Variants in LMTK2 observed in about 807,000 individuals in gnomAD.
LMTK2 encodes the protein lemur tail kinase 2.
A neutral mutation model predicts 127.5 loss-of-function variants in LMTK2; 37 were observed. The observed-to-expected ratio is 0.29, with a 90% CI of 0.22 to 0.38. The LOEUF (loss-of-function observed/expected upper bound fraction) is 0.38. Among genes scored for constraint, LMTK2 ranks in the 10% least tolerant of loss-of-function variants. LMTK2 has a pLI of 1.00. For synonymous variants in LMTK2, 819 were observed against 810.1 expected (o/e 1.01, Z -0.19); for missense variants, 1,694 against 1,920.3 (o/e 0.88, Z 2.20).
At position 98,204,195 on chromosome 7, in the gene LMTK2, C is replaced by T. The variant is rs763526944; in HGVS notation, c.4483+9C>T. ...GGACATCGAGCAGGGCGGTGAGAGG[C>T]GCTGCGTGCTGGGGATTGGGAGTGC... On this transcript the variant is annotated intron_variant, in intron 13 of 13. Transcript: ENST00000297293. The T allele has an allele frequency of 1.4e-5, 22 of 1,602,714 alleles. No individual in the cohort carries two copies. Among genetic ancestry groups the T allele is most frequent in the East Asian group, 4.5e-5 (2 of 44,868 alleles).
Position 98,146,484 on chromosome 7 carries a change from A to AT in LMTK2, c.377-4888dup, listed in dbSNP as rs992846635. Among the ~76,000 whole-genome samples the AT allele has an allele frequency of 7.9e-3, 1,191 of 149,886 alleles. 18 individuals carry two copies. The highest frequency in any genetic ancestry group is 0.027 in the African/African-American group (1,093 of 41,010). On this transcript the variant is annotated intron_variant, in intron 3 of 13. Transcript: ENST00000297293. ...AATCTGTAATGGTTGTAATCAAGGA[A>AT]TTTTTTTTTTGATGTACCATTTTGA...
chr7:98,204,128 C>T lies in LMTK2; in HGVS notation c.4425C>T (p.Pro1475=), dbSNP rs137912661. ...SAPYSRFSIS[P]ANIASFSLTH... ...CTTACTCCCGGTTCTCCATCTCTCC[C>T]GCCAACATTGCCAGCTTTTCCCTCA... Residue 1475 remains proline (P), a synonymous_variant, in exon 13 of 14, where the codon CCC becomes CCT. Coordinates refer to ENST00000297293, the MANE Select transcript of LMTK2 (RefSeq NM_014916.4). 2.8e-4 allele frequency: 446 copies of T among 1,611,882 alleles called. 1 individual carries two copies. Among genetic ancestry groups the T allele is most frequent in the Non-Finnish European group, 3.4e-4 (407 of 1,180,030 alleles).
chr7:98,114,853 AT>A (rs936516245), intron 1 of LMTK2, among the ~76,000 whole-genome samples: 1 of 151,496 alleles, frequency 6.6e-6, no homozygotes, highest in Non-Finnish European at 1.5e-5. Flanking sequence ...CCATCTTTTT[AT>A]TTTTTTTAAA....
intron 7 of LMTK2, among the ~76,000 whole-genome samples, chr7:98,176,708 G>T (rs528883494): frequency 6.6e-6 from 1 of 152,222 alleles, no homozygotes; most frequent in African/African-American, 2.4e-5. Context: ...TTAGCCAGGC[G>T]TGGTGGCACA....
chr7:98,117,978 C>G (rs1388322853), intron 1 of LMTK2, among the ~76,000 whole-genome samples: 2 of 152,000 alleles, frequency 1.3e-5, no homozygotes, highest in Non-Finnish European at 2.9e-5. Context: ...AAAAACCAAA[C>G]AAACAAAAAA....
intron 1 of LMTK2, among the ~76,000 whole-genome samples, chr7:98,134,485 A>G (rs1259501618): frequency 6.6e-6 from 1 of 152,168 alleles, no homozygotes; most frequent in Admixed American, 6.5e-5. Flanking sequence ...TTTAATTTTT[A>G]TTATGTGCAT....
intron 3 of LMTK2, among the ~76,000 whole-genome samples, chr7:98,145,891 A>C (rs566170766): frequency 2.2e-4 from 33 of 152,268 alleles, no homozygotes; most frequent in Admixed American, 1.2e-3. Context: ...CTATTGCCAA[A>C]TCCCTGGTCA....
intron 9 of LMTK2, among the ~76,000 whole-genome samples, chr7:98,188,403 T>A (rs1797472195): frequency 6.6e-6 from 1 of 152,210 alleles, no homozygotes; most frequent in Non-Finnish European, 1.5e-5. Context: ...GATGAATTCC[T>A]TCAGTTTTTG....
chr7:98,107,142 C>G lies in LMTK2; in HGVS notation c.-36C>G. 1.4e-6 allele frequency: 2 copies of G among 1,399,632 alleles called. No individual in the cohort carries two copies. The highest frequency in any genetic ancestry group is 1.9e-6 in the Non-Finnish European group (2 of 1,080,240). 86.7% of individuals were successfully genotyped at this position (1,399,632 alleles called of 1,614,324 possible). On this transcript the variant is annotated 5_prime_UTR_variant, in exon 1 of 14. Transcript: ENST00000297293. The stretch of plus-strand genomic sequence containing the variant: ...GAACGGACGGACGGACGGAAGGCGA[C>G]TCGAGGGCCGGCCCCGGAGCCGCGC...
At chr7:98,111,984 G>A (rs1796207420) in intron 1 of LMTK2, among the ~76,000 whole-genome samples, 1 of 152,206 alleles carries the variant, frequency 6.6e-6, no homozygotes, top group South Asian at 2.1e-4. Context: ...TAAAGTGGAA[G>A]ATGACTAAAG....
At chr7:98,179,035 G>T (rs1797313559) in intron 7 of LMTK2, among the ~76,000 whole-genome samples, 1 of 152,178 alleles carries the variant, frequency 6.6e-6, no homozygotes. Flanking sequence ...ACCCAGTCCT[G>T]CCACTGTTTG....
intron 1 of LMTK2, among the ~76,000 whole-genome samples, chr7:98,131,570 A>G (rs531424259): frequency 6.6e-6 from 1 of 152,242 alleles, no homozygotes; most frequent in East Asian, 1.9e-4. Context: ...TGTTTTGGGC[A>G]GTACTGTTGC....
At chr7:98,168,834 TG>T (rs1357346840) in intron 6 of LMTK2, among the ~76,000 whole-genome samples, 5 of 152,134 alleles carry the variant, frequency 3.3e-5, no homozygotes, top group African/African-American at 9.7e-5. Context: ...GGGAGTTTTT[TG>T]GGGGGTTTTG....
At chr7:98,174,032 G>A (rs1216339681) in intron 7 of LMTK2, among the ~76,000 whole-genome samples, 1 of 151,518 alleles carries the variant, frequency 6.6e-6, no homozygotes, top group Non-Finnish European at 1.5e-5. Context: ...CTCTAGTCTG[G>A]GTGACAGAGC....
chr7:98,123,818 C>A (rs1796405113), intron 1 of LMTK2, among the ~76,000 whole-genome samples: 1 of 152,106 alleles, frequency 6.6e-6, no homozygotes, highest in African/African-American at 2.4e-5. Context: ...CTTCTATCAG[C>A]AGATTGTTGG....
At position 98,192,440 on chromosome 7, in the gene LMTK2, G is replaced by A. The variant is rs774194399; in HGVS notation, c.1975G>A (p.Gly659Arg). The A allele has an allele frequency of 5.9e-5, 95 of 1,613,448 alleles. 2 individuals are homozygous for A. The Middle Eastern group carries it at 6.9e-3, about 118-fold the overall frequency. The change falls in exon 11 of 14, where the codon GGA becomes AGA. Residue 659 changes from glycine (G) to arginine (R), a missense_variant. By Grantham distance (125) the Gly-to-Arg change is moderately radical. This residue lies in a region of LMTK2 where 527 missense variants were observed against 539.8 expected (regional missense o/e 0.98). Coordinates refer to ENST00000297293, the MANE Select transcript of LMTK2 (RefSeq NM_014916.4). The part of the protein sequence containing the change: ...QKIFDLMELN[G>R]VQADFKPATL... Reference sequence around the variant, plus strand: ...AATATTCGACTTAATGGAATTAAACGGAGTTCAAGCCGACTTTAAACCTGC... The same window carrying A: ...AATATTCGACTTAATGGAATTAAACAGAGTTCAAGCCGACTTTAAACCTGC...
chr7:98,188,759 A>G (rs902039175), intron 9 of LMTK2, among the ~76,000 whole-genome samples: 1 of 152,134 alleles, frequency 6.6e-6, no homozygotes, highest in African/African-American at 2.4e-5. Context: ...GCTTTTGACA[A>G]TTTGACTATA....
At chr7:98,157,283 A>C (rs926297581) in intron 5 of LMTK2, among the ~76,000 whole-genome samples, 4 of 151,642 alleles carry the variant, frequency 2.6e-5, no homozygotes, top group Admixed American at 6.6e-5. Context: ...GTAGGTAGGT[A>C]GGTAGGTAGG....
rs115389561 is a variant in LMTK2 at position 98,154,395 on chromosome 7, A to C, written c.451-363A>C. Among the ~76,000 whole-genome samples, 1,145 of 152,338 alleles carry C rather than the reference A, an allele frequency of 7.5e-3. 17 individuals are homozygous for C. Among genetic ancestry groups the C allele is most frequent in the African/African-American group, 0.026 (1,060 of 41,562 alleles). On this transcript the variant is annotated intron_variant, in intron 4 of 13. Coordinates refer to ENST00000297293, the MANE Select transcript of LMTK2 (RefSeq NM_014916.4). Reference sequence around the variant, plus strand: ...TGGAAGTGTTTTTGAGGAACATTTGAGTTATGTTGGAACTGAACTTATAAA... The same window carrying C: ...TGGAAGTGTTTTTGAGGAACATTTGCGTTATGTTGGAACTGAACTTATAAA...
Sources: allele counts gnomAD v4.1 joint callset (sites outside exome capture counted in the v4.1 genomes callset), GRCh38; gene constraint gnomAD v4.1.1; regional missense constraint gnomAD v4.1.1; transcripts MANE v1.5; gene names NCBI Gene and HGNC (gene_info 2026-07-23, HGNC 2026-07-21).